Variants in ALK observed in about 807,000 individuals in gnomAD.
ALK encodes ALK tyrosine kinase receptor.
ALK carries 74 observed loss-of-function variants against 163.1 expected under a neutral mutation model. That is an observed-to-expected ratio of 0.45 (90% CI 0.38 to 0.55). The LOEUF (loss-of-function observed/expected upper bound fraction) is 0.55, where lower values mean the gene tolerates loss of function less well. Ranked by LOEUF, ALK falls within the 20% of genes least tolerant of loss-of-function variation. ALK has a pLI of 0.00. For missense variants in ALK, 2,063 were observed against 2,105.3 expected, an observed-to-expected ratio of 0.98 and a Z score of 0.39; for synonymous variants, 960 against 843.2, an observed-to-expected ratio of 1.14 and a Z score of -2.40.
At chr2:29,310,304 T>C (rs1666661599) in intron 8 of ALK, among the ~76,000 whole-genome samples, 1 of 152,186 alleles carries the variant, frequency 6.6e-6, no homozygotes, top group South Asian at 2.1e-4. Flanking sequence ...GGGTAATAAT[T>C]TTTTATAACG....
intron 1 of ALK, among the ~76,000 whole-genome samples, chr2:29,755,082 G>T (rs199565362): frequency 2.1e-5 from 3 of 142,952 alleles, no homozygotes; most frequent in African/African-American, 7.4e-5. Flanking sequence ...CTTCTCTAAG[G>T]GTACCAACTC....
At chr2:29,394,352 C>G (rs1254608629) in intron 4 of ALK, among the ~76,000 whole-genome samples, 1 of 151,274 alleles carries the variant, frequency 6.6e-6, no homozygotes, top group South Asian at 2.1e-4. Context: ...AGAAAAAAAT[C>G]AAGCAAGAGA....
chr2:29,575,022 C>T lies in ALK; in HGVS notation c.953-42906G>A, dbSNP rs547233170. On this transcript the variant is annotated intron_variant, in intron 3 of 28. Transcript: ENST00000389048. Reference sequence around the variant, plus strand: ...GGCACTCCAGCTGCAAACACAGCCCCGTTTCCTCCTGCAAGTCCCTGTGAG... The same window carrying T: ...GGCACTCCAGCTGCAAACACAGCCCTGTTTCCTCCTGCAAGTCCCTGTGAG... Among the ~76,000 whole-genome samples the T allele has an allele frequency of 2.6e-4, 40 of 152,284 alleles. No individual in the cohort carries two copies. In the South Asian group the frequency reaches 2.9e-3, roughly 11 times the overall value.
chr2:29,524,755 G>A (rs1183001563), intron 4 of ALK, among the ~76,000 whole-genome samples: 2 of 152,140 alleles, frequency 1.3e-5, no homozygotes, highest in Non-Finnish European at 2.9e-5. Flanking sequence ...ATGGATGGGT[G>A]GATGGATGGA....
At chr2:29,283,854 CCT>C (rs1468318267) in intron 9 of ALK, among the ~76,000 whole-genome samples, 4 of 152,126 alleles carry the variant, frequency 2.6e-5, no homozygotes, top group Admixed American at 6.5e-5. Context: ...CATCTCTCCC[CCT>C]CTTTCTTTGA....
intron 3 of ALK, among the ~76,000 whole-genome samples, chr2:29,570,175 A>G (rs1226226124): frequency 6.6e-6 from 1 of 152,244 alleles, no homozygotes; most frequent in Admixed American, 6.5e-5. Flanking sequence ...GAGCTGCACA[A>G]TTAAACTCCT....
At chr2:29,765,665 A>G (rs1680842427) in intron 1 of ALK, among the ~76,000 whole-genome samples, 3 of 152,108 alleles carry the variant, frequency 2.0e-5, no homozygotes, top group Non-Finnish European at 4.4e-5. Context: ...TTAAAAATGC[A>G]TGTCAATTTT....
At chr2:29,708,001 C>G (rs1285973910) in intron 2 of ALK, among the ~76,000 whole-genome samples, 3 of 152,160 alleles carry the variant, frequency 2.0e-5, no homozygotes, top group African/African-American at 7.2e-5. Flanking sequence ...CACTGTGGTT[C>G]CATGTGTTGC....
chr2:29,320,776 C>G lies in ALK; in HGVS notation c.1521G>C (p.Lys507Asn), dbSNP rs1433395369. The G allele has an allele frequency of 6.2e-7, 1 of 1,614,026 alleles. No individual in the cohort carries two copies. The highest frequency in any genetic ancestry group is 1.1e-5 in the South Asian group (1 of 91,074). ...CTTGGTGGTCCTGGAACCGGGCATC[C>G]TTTAGGGTCCTGACCTGCCATTGAG... ...HTPQWQVRTL[K>N]DARFQDHQDH... is the part of the protein sequence containing the mutation. Residue 507 changes from lysine (K) to asparagine (N), a missense_variant, in exon 7 of 29, where the codon AAG (lysine) becomes AAC (asparagine). By Grantham distance (94) the Lys-to-Asn change is moderately conservative. Around this residue, in one of 5 missense-constraint regions of ALK, gnomAD observed 987 missense variants for 939.5 expected, o/e 1.05. Transcript: ENST00000389048.
chr2:29,261,594 C>A (rs1665090665), intron 11 of ALK, among the ~76,000 whole-genome samples: 1 of 152,144 alleles, frequency 6.6e-6, no homozygotes, highest in Admixed American at 6.5e-5. Flanking sequence ...TCTCCAATGA[C>A]CATGGTCTAG....
intron 1 of ALK, among the ~76,000 whole-genome samples, chr2:29,731,427 TG>T: frequency 6.6e-6 from 1 of 152,322 alleles, no homozygotes; most frequent in East Asian, 1.9e-4. Flanking sequence ...AAACTGCTTT[TG>T]GCAATGACTC....
At chr2:29,201,793 A>G (rs1272086350) in intron 26 of ALK, among the ~76,000 whole-genome samples, 1 of 151,980 alleles carries the variant, frequency 6.6e-6, no homozygotes, top group African/African-American at 2.4e-5. Context: ...AAAAAAAAAA[A>G]AAAAATCTTG....
At chr2:29,194,059 C>G (rs1369573232) in intron 28 of ALK, 137 bp from the exon 29 acceptor site, 1 of 849,584 alleles carries the variant, frequency 1.2e-6, no homozygotes, top group African/African-American at 1.7e-5. Flanking sequence ...TAGTAACTTA[C>G]AGGCACTGGG....
chr2:29,625,590 C>T (rs1031849948), intron 3 of ALK, among the ~76,000 whole-genome samples: 2 of 152,150 alleles, frequency 1.3e-5, no homozygotes, highest in East Asian at 1.9e-4. Context: ...GGGGTTGCGT[C>T]GGGAGAAATC....
At chr2:29,740,123 C>T (rs900121895) in intron 1 of ALK, among the ~76,000 whole-genome samples, 6 of 152,184 alleles carry the variant, frequency 3.9e-5, no homozygotes, top group African/African-American at 1.4e-4. Flanking sequence ...GATGTGAGGT[C>T]AGAGGCTGTT....
intron 24 of ALK, among the ~76,000 whole-genome samples, chr2:29,211,511 C>T (rs1372455568): frequency 6.6e-6 from 1 of 151,886 alleles, no homozygotes; most frequent in African/African-American, 2.4e-5. Flanking sequence ...TATGAAATGG[C>T]AATAAACCAT....
chr2:29,237,316 AGT>A (rs1271948051), intron 13 of ALK, among the ~76,000 whole-genome samples: 1 of 152,132 alleles, frequency 6.6e-6, no homozygotes, highest in Non-Finnish European at 1.5e-5. Context: ...TTGCAGCCAG[AGT>A]GAGCTTTTTA....
chr2:29,533,934 C>T (rs1056321003), intron 3 of ALK, among the ~76,000 whole-genome samples: 6 of 152,082 alleles, frequency 3.9e-5, no homozygotes, highest in Admixed American at 3.3e-4. Context: ...TGAGCCAGGT[C>T]TTACAGGGAG....
chr2:29,649,724 G>C (rs1326888341), intron 3 of ALK, among the ~76,000 whole-genome samples: 3 of 152,028 alleles, frequency 2.0e-5, no homozygotes, highest in Admixed American at 2.0e-4. Flanking sequence ...GGTTGGTATG[G>C]TGCACCCATG....
Sources: allele counts gnomAD v4.1 joint callset (sites outside exome capture counted in the v4.1 genomes callset), GRCh38; gene constraint gnomAD v4.1.1; regional missense constraint gnomAD v4.1.1; transcripts MANE v1.5; gene names NCBI Gene and HGNC (gene_info 2026-07-23, HGNC 2026-07-21).